SGCZ: variants seen among roughly 807,000 people sequenced by gnomAD.
The protein encoded by SGCZ is sarcoglycan zeta.
SGCZ carries 40 observed loss-of-function variants against 41.3 expected under a neutral mutation model. The observed-to-expected ratio is 0.97, with a 90% CI of 0.75 to 1.26. The LOEUF (loss-of-function observed/expected upper bound fraction) is 1.26. SGCZ is among the 50% of genes most tolerant of loss of function. The pLI is 0.00. For synonymous variants in SGCZ, 206 were observed against 137.5 expected (o/e 1.50, Z -3.49); for missense variants, 552 against 369.8 (o/e 1.49, Z -4.04).
chr8:14,264,223 A>T (rs1003866326), intron 3 of SGCZ, among the ~76,000 whole-genome samples: 5 of 152,200 alleles, frequency 3.3e-5, no homozygotes, highest in African/African-American at 1.2e-4. Context: ...TGGCTACTTA[A>T]TCCATCCCTC....
rs116119641 is a variant in SGCZ, at chr8:14,641,063, C to T, written c.40-86137G>A. Among the ~76,000 whole-genome samples the T allele has an allele frequency of 2.8e-3, 423 of 151,632 alleles. 2 individuals are homozygous for T. Among genetic ancestry groups the T allele is most frequent in the African/African-American group, 9.5e-3 (393 of 41,446 alleles). ...TAAACAGGAAGGTATACTCTGTTCCCATCTTGTCCAGTGGTAATAATCAAA... is the reference window on the plus strand; with the variant it reads ...TAAACAGGAAGGTATACTCTGTTCCTATCTTGTCCAGTGGTAATAATCAAA... On this transcript the variant is annotated intron_variant, in intron 1 of 7. Transcript: ENST00000382080.
chr8:15,143,768 CTTTTTTTTTTTTT>C lies in SGCZ; in HGVS notation c.39+93804_39+93816del, dbSNP rs1202683929. ...TTATCTGTGGTCAATCTATTATTAC[CTTTTTTTTTTTTT>C]TTTTTTTTTTTTTTTGAGACGGAGT... On this transcript the variant is annotated intron_variant, in intron 1 of 7. Coordinates refer to ENST00000382080, the MANE Select transcript of SGCZ (RefSeq NM_139167.4). Among the ~76,000 whole-genome samples the C allele has an allele frequency of 3.1e-3, 20 of 6,418 alleles. 9 individuals are homozygous for C. Among genetic ancestry groups the C allele is most frequent in the Middle Eastern group, 0.17 (2 of 12 alleles). 4.2% of individuals were successfully genotyped at this position (6,418 alleles called of 152,430 possible). A position where few individuals can be genotyped will look rare whatever the true frequency, so the allele number is the denominator to read the frequency against.
chr8:15,092,627 A>C (rs1265340402), intron 1 of SGCZ, among the ~76,000 whole-genome samples: 4 of 152,242 alleles, frequency 2.6e-5, no homozygotes, highest in African/African-American at 9.6e-5. Flanking sequence ...AAGAGAAAAC[A>C]ACTGTCAATT....
intron 1 of SGCZ, among the ~76,000 whole-genome samples, chr8:15,032,919 A>T (rs1020715211): frequency 6.6e-6 from 1 of 151,660 alleles, no homozygotes; most frequent in Non-Finnish European, 1.5e-5. Flanking sequence ...ACCCCAGAAT[A>T]CAGACCAGCC....
At chr8:14,271,685 C>A (rs563795892) in intron 3 of SGCZ, among the ~76,000 whole-genome samples, 21 of 152,262 alleles carry the variant, frequency 1.4e-4, no homozygotes, top group Admixed American at 1.0e-3. Context: ...CACAGATCAA[C>A]CTCCTTGACT....
intron 3 of SGCZ, among the ~76,000 whole-genome samples, chr8:14,247,774 C>A (rs1318427586): frequency 1.3e-5 from 2 of 152,156 alleles, no homozygotes; most frequent in Non-Finnish European, 2.9e-5. Flanking sequence ...CCAACCCTAT[C>A]CACTGTGAGT....
intron 1 of SGCZ, among the ~76,000 whole-genome samples, chr8:14,899,292 T>G (rs1798883247): frequency 6.6e-6 from 1 of 152,182 alleles, no homozygotes; most frequent in South Asian, 2.1e-4. Context: ...TCTTCCTCCC[T>G]TATTTCCCAC....
chr8:14,771,005 T>C (rs1375106948), intron 1 of SGCZ, among the ~76,000 whole-genome samples: 2 of 152,138 alleles, frequency 1.3e-5, no homozygotes, highest in African/African-American at 2.4e-5. Flanking sequence ...TACACTTCAA[T>C]AGCTTGGCTT....
chr8:14,401,652 G>A (rs1563305749), intron 2 of SGCZ, among the ~76,000 whole-genome samples: 2 of 151,714 alleles, frequency 1.3e-5, no homozygotes, highest in South Asian at 2.1e-4. Flanking sequence ...ATTCCATGGT[G>A]TATATGTGCC....
intron 1 of SGCZ, among the ~76,000 whole-genome samples, chr8:15,172,171 T>A (rs1346516327): frequency 5.2e-5 from 7 of 135,902 alleles, no homozygotes; most frequent in Non-Finnish European, 7.8e-5. Flanking sequence ...TTTTTTTTTT[T>A]TTTTTTTTGA....
chr8:14,580,318 G>A (rs1339708921), intron 1 of SGCZ, among the ~76,000 whole-genome samples: 1 of 152,160 alleles, frequency 6.6e-6, no homozygotes, highest in Admixed American at 6.5e-5. Context: ...TTTCTACTCT[G>A]ATTTTTCAGT....
At chr8:14,969,403 A>G (rs1801222376) in intron 1 of SGCZ, among the ~76,000 whole-genome samples, 1 of 152,100 alleles carries the variant, frequency 6.6e-6, no homozygotes, top group Non-Finnish European at 1.5e-5. Context: ...GCACATATTT[A>G]AAGTATAGAA....
At chr8:15,089,618 A>C (rs1404883194) in intron 1 of SGCZ, among the ~76,000 whole-genome samples, 1 of 152,178 alleles carries the variant, frequency 6.6e-6, no homozygotes, top group Admixed American at 6.5e-5. Flanking sequence ...AGCCATTCAC[A>C]AACTTGGTAC....
chr8:14,990,904 C>T (rs1304086917), intron 1 of SGCZ, among the ~76,000 whole-genome samples: 1 of 151,984 alleles, frequency 6.6e-6, no homozygotes, highest in Admixed American at 6.6e-5. Flanking sequence ...CCTGTTACTC[C>T]CAACCCAGTC....
At chr8:14,486,631 C>T (rs368238958) in intron 2 of SGCZ, among the ~76,000 whole-genome samples, 1 of 152,168 alleles carries the variant, frequency 6.6e-6, no homozygotes, top group African/African-American at 2.4e-5. Context: ...TGAAGTGCCA[C>T]GGCACCATCA....
chr8:14,282,692 C>G (rs1800487167), intron 3 of SGCZ, among the ~76,000 whole-genome samples: 1 of 152,108 alleles, frequency 6.6e-6, no homozygotes, highest in South Asian at 2.1e-4. Flanking sequence ...CCTTCCATTT[C>G]ACTTCCTCAA....
chr8:14,479,736 T>A (rs1252567865), intron 2 of SGCZ, among the ~76,000 whole-genome samples: 2 of 16,714 alleles, frequency 1.2e-4, no homozygotes, highest in Non-Finnish European at 1.7e-4. Context: ...TACTTCTTTT[T>A]TTTTTTTTTT....
intron 1 of SGCZ, among the ~76,000 whole-genome samples, chr8:14,937,793 T>G (rs1276371492): frequency 2.0e-5 from 3 of 152,124 alleles, no homozygotes; most frequent in Non-Finnish European, 2.9e-5. Context: ...TGTAATAAAT[T>G]CATAAATGAA....
chr8:14,382,442 A>G (rs1049233425), intron 2 of SGCZ, among the ~76,000 whole-genome samples: 1 of 152,046 alleles, frequency 6.6e-6, no homozygotes, highest in African/African-American at 2.4e-5. Flanking sequence ...ATACCATATC[A>G]CAGAACATAG....
Sources: allele counts gnomAD v4.1 joint callset (sites outside exome capture counted in the v4.1 genomes callset), GRCh38; gene constraint gnomAD v4.1.1; transcripts MANE v1.5; gene names NCBI Gene and HGNC (gene_info 2026-07-23, HGNC 2026-07-21).